Variants in BNIP3L observed in about 807,000 individuals in gnomAD.
BNIP3L encodes the protein BCL2 interacting protein 3 like.
In BNIP3L, 10 loss-of-function variants were observed where a neutral mutation model predicts 25.5. That is an observed-to-expected ratio of 0.39 (90% CI 0.24 to 0.67). The LOEUF (loss-of-function observed/expected upper bound fraction) is 0.67, where lower values mean the gene tolerates loss of function less well. Among genes scored for constraint, BNIP3L ranks in the 30% least tolerant of loss-of-function variants. BNIP3L has a pLI of 0.45. For synonymous variants in BNIP3L, 113 were observed against 101.2 expected (o/e 1.12, Z -0.70); for missense variants, 215 against 270.9 (o/e 0.79, Z 1.45).
intron 3 of BNIP3L, 148 bp from the exon 4 acceptor site, chr8:26,407,852 A>G: frequency 1.5e-6 from 1 of 681,064 alleles, no homozygotes. Flanking sequence ...ATTATTTTTC[A>G]GCATTTTTTA....
intron 2 of BNIP3L, among the ~76,000 whole-genome samples, chr8:26,394,344 A>G (rs1417319706): frequency 6.6e-6 from 1 of 152,122 alleles, no homozygotes; most frequent in Non-Finnish European, 1.5e-5. Context: ...CTCAAAGCAA[A>G]TATTTCTGAA....
At chr8:26,406,238 C>G (rs1241869922) in intron 3 of BNIP3L, among the ~76,000 whole-genome samples, 1 of 152,132 alleles carries the variant, frequency 6.6e-6, no homozygotes, top group Non-Finnish European at 1.5e-5. Flanking sequence ...AATTCTGACT[C>G]AACTTATTAT....
intron 3 of BNIP3L, among the ~76,000 whole-genome samples, chr8:26,407,726 T>A (rs1359187693): frequency 6.6e-6 from 1 of 152,208 alleles, no homozygotes; most frequent in Non-Finnish European, 1.5e-5. Context: ...TTTTCATACT[T>A]CCCTTAGCAT....
chr8:26,403,922 C>G (rs990679795), intron 3 of BNIP3L, among the ~76,000 whole-genome samples: 50 of 152,292 alleles, frequency 3.3e-4, no homozygotes, highest in African/African-American at 1.1e-3. Context: ...GTACTAATTA[C>G]TTATCTAAGA....
At chr8:26,391,648 C>G (rs1013008806) in intron 2 of BNIP3L, among the ~76,000 whole-genome samples, 4 of 152,134 alleles carry the variant, frequency 2.6e-5, no homozygotes, top group Admixed American at 6.5e-5. Context: ...TGTCATTTTT[C>G]TTACCCAGAT....
chr8:26,410,644 T>A lies in BNIP3L; in HGVS notation c.*232T>A. 3 of 526,306 alleles carry A rather than the reference T, an allele frequency of 5.7e-6. No individual in the cohort carries two copies. The highest frequency in any genetic ancestry group is 3.3e-5 in the Admixed American group (1 of 30,692). 32.6% of individuals were successfully genotyped at this position (526,306 alleles called of 1,614,324 possible). A position where few individuals can be genotyped will look rare whatever the true frequency, so the allele number is the denominator to read the frequency against. On this transcript the variant is annotated 3_prime_UTR_variant, in exon 6 of 6. Transcript: ENST00000380629. ...CATTTTAGAATTTCCTAACAGAGTTTACTGTTGTTTAGAAATTTGCAAGGG... is the reference window on the plus strand; with the variant it reads ...CATTTTAGAATTTCCTAACAGAGTTAACTGTTGTTTAGAAATTTGCAAGGG...
chr8:26,409,664 C>G (rs1806577579), intron 5 of BNIP3L, among the ~76,000 whole-genome samples: 1 of 152,188 alleles, frequency 6.6e-6, no homozygotes, highest in Non-Finnish European at 1.5e-5. Flanking sequence ...CGATTGGTGT[C>G]TATACCTTGC....
chr8:26,395,742 A>T (rs202122109), intron 3 of BNIP3L: 1 of 173,776 alleles, frequency 5.8e-6, no homozygotes, highest in Admixed American at 6.0e-5. Flanking sequence ...AGTGCCAGAC[A>T]GTGGGCGCAG....
chr8:26,385,313 C>A (rs1400452662), intron 1 of BNIP3L, among the ~76,000 whole-genome samples: 1 of 151,956 alleles, frequency 6.6e-6, no homozygotes, highest in African/African-American at 2.4e-5. Context: ...AGGGCTGAGC[C>A]AGGCAGGGCA....
At chr8:26,394,670 A>T (rs1473805999) in intron 2 of BNIP3L, among the ~76,000 whole-genome samples, 1 of 152,250 alleles carries the variant, frequency 6.6e-6, no homozygotes, top group East Asian at 1.9e-4. Flanking sequence ...TTGCATTCTA[A>T]CTGTTGTGCT....
intron 1 of BNIP3L, among the ~76,000 whole-genome samples, chr8:26,390,172 T>A (rs1051831366): frequency 6.6e-6 from 1 of 152,184 alleles, no homozygotes; most frequent in Non-Finnish European, 1.5e-5. Flanking sequence ...CAGGCTGGTG[T>A]CAAACTCCTG....
intron 5 of BNIP3L, among the ~76,000 whole-genome samples, chr8:26,409,579 T>C (rs1170333067): frequency 1.3e-5 from 2 of 152,154 alleles, no homozygotes; most frequent in Admixed American, 1.3e-4. Context: ...GTGTGACTGT[T>C]GCGTGGGGGT....
intron 5 of BNIP3L, among the ~76,000 whole-genome samples, chr8:26,409,655 G>A (rs1043372940): frequency 6.6e-6 from 1 of 152,214 alleles, no homozygotes; most frequent in Non-Finnish European, 1.5e-5. Flanking sequence ...GCCCTTAAGC[G>A]ATTGGTGTCT....
At chr8:26,391,587 A>G (rs910398336) in intron 2 of BNIP3L, among the ~76,000 whole-genome samples, 161 bp downstream of exon 2, 1 of 152,226 alleles carries the variant, frequency 6.6e-6, no homozygotes, top group Non-Finnish European at 1.5e-5. Context: ...TTGTGTTTAT[A>G]TGAGACAGCT....
intron 1 of BNIP3L, among the ~76,000 whole-genome samples, chr8:26,390,038 A>G (rs1343844855): frequency 6.6e-6 from 1 of 152,228 alleles, no homozygotes; most frequent in Non-Finnish European, 1.5e-5. Flanking sequence ...AGAAATGGAA[A>G]TTATGAACAA....
At position 26,413,040 on chromosome 8, in the gene BNIP3L, A is replaced by C. The variant is rs1806663989; in HGVS notation, c.*2628A>C. 6.5e-6 allele frequency: 1 copy of C among 152,682 alleles called. No homozygotes were observed. The highest frequency in any genetic ancestry group is 2.1e-4 in the South Asian group (1 of 4,832). The allele number at this position is 152,682 out of a possible 1,614,324, so 9.5% of individuals were successfully genotyped here. A position where few individuals can be genotyped will look rare whatever the true frequency, so the allele number is the denominator to read the frequency against. Reference sequence around the variant, plus strand: ...TATGCATTCTTCATCTATTTTAGTTAGCACTTTGTATCGTTATATACAGTT... The same window carrying C: ...TATGCATTCTTCATCTATTTTAGTTCGCACTTTGTATCGTTATATACAGTT... On this transcript the variant is annotated 3_prime_UTR_variant, in exon 6 of 6. Transcript: ENST00000380629. The surrounding 1 kb of genome is among the most constrained non-coding windows in gnomAD (Gnocchi z 5.2).
intron 2 of BNIP3L, among the ~76,000 whole-genome samples, chr8:26,394,086 T>G (rs764711073): frequency 4.6e-5 from 7 of 152,180 alleles, no homozygotes; most frequent in African/African-American, 4.8e-5. Flanking sequence ...ATTTTAGATT[T>G]TGGGGGAGGG....
chr8:26,394,757 A>G (rs1806195425), intron 2 of BNIP3L, among the ~76,000 whole-genome samples: 1 of 152,186 alleles, frequency 6.6e-6, no homozygotes, highest in South Asian at 2.1e-4. Context: ...AATAAATCCT[A>G]CTAGTATTGA....
chr8:26,394,223 T>G (rs1024998323), intron 2 of BNIP3L, among the ~76,000 whole-genome samples: 6 of 152,186 alleles, frequency 3.9e-5, no homozygotes, highest in African/African-American at 1.2e-4. Flanking sequence ...GTGATCATGT[T>G]GTTTTTGTCT....
Sources: allele counts gnomAD v4.1 joint callset (sites outside exome capture counted in the v4.1 genomes callset), GRCh38; gene constraint gnomAD v4.1.1; non-coding constraint Gnocchi (gnomAD v3.1); transcripts MANE v1.5; gene names NCBI Gene and HGNC (gene_info 2026-07-23, HGNC 2026-07-21).